CRMP1: variants seen among roughly 807,000 people sequenced by gnomAD.
The protein encoded by CRMP1 is collapsin response mediator protein 1.
CRMP1 carries 19 observed loss-of-function variants against 68.3 expected under a neutral mutation model. The observed-to-expected ratio is 0.28, with a 90% CI of 0.19 to 0.41. The LOEUF is 0.41. Among genes scored for constraint, CRMP1 ranks in the 10% least tolerant of loss-of-function variants. The pLI is 1.00. For missense variants in CRMP1, 791 were observed against 967.4 expected (o/e 0.82, Z 2.42); for synonymous variants, 439 against 399.6 (o/e 1.10, Z -1.18).
intron 6 of CRMP1, among the ~76,000 whole-genome samples, chr4:5,846,857 T>C (rs1041797553): frequency 6.0e-4 from 85 of 141,904 alleles, no homozygotes; most frequent in African/African-American, 2.0e-3. Context: ...TCAGGTGATC[T>C]GCCCGCCTTG....
chr4:5,889,191 A>T lies in CRMP1; in HGVS notation c.381+3398T>A, dbSNP rs1300884303. ...TCTAAGGTGGAGCCCCCTAACTGGCAGAGGGAACAGCAGGGACAGAAGGGT... is the reference window on the plus strand; with the variant it reads ...TCTAAGGTGGAGCCCCCTAACTGGCTGAGGGAACAGCAGGGACAGAAGGGT... On this transcript the variant is annotated intron_variant, in intron 1 of 13. Transcript: ENST00000324989. This position sits in a 1 kb window ranked among gnomAD's most constrained non-coding sequence, Gnocchi z 4.5. 6.6e-6 allele frequency among the ~76,000 whole-genome samples: 1 copy of T among 152,180 alleles called. No homozygotes were observed. Among genetic ancestry groups the T allele is most frequent in the African/African-American group, 2.4e-5 (1 of 41,460 alleles).
At chr4:5,846,492 C>A (rs1322366749) in intron 6 of CRMP1, among the ~76,000 whole-genome samples, 1 of 152,070 alleles carries the variant, frequency 6.6e-6, no homozygotes, top group Non-Finnish European at 1.5e-5. Context: ...CAGCGAGATT[C>A]ACAGGAGGTC....
chr4:5,824,183 G>A (rs1037692887), intron 13 of CRMP1: 1 of 410,792 alleles, frequency 2.4e-6, no homozygotes, highest in African/African-American at 2.2e-5. Flanking sequence ...CTCCAGAACA[G>A]TGGTCCAGTT....
At position 5,877,743 on chromosome 4, in the gene CRMP1, C is replaced by T. The variant is rs568671078; in HGVS notation, c.382-10987G>A. Among the ~76,000 whole-genome samples the T allele has an allele frequency of 7.9e-5, 12 of 152,152 alleles. 1 individual carries two copies. The South Asian group carries it at 2.3e-3, about 29-fold the overall frequency. On this transcript the variant is annotated intron_variant, in intron 1 of 13. Coordinates refer to ENST00000324989, the MANE Select transcript of CRMP1 (RefSeq NM_001014809.3). This position sits in a 1 kb window ranked among gnomAD's most constrained non-coding sequence, Gnocchi z 4.3. The stretch of plus-strand genomic sequence containing the variant: ...TGGACTGCAGGACTTTTTTTCCCCC[C>T]GATATTATGCCTGTTTCCATGACAA...
intron 1 of CRMP1, chr4:5,887,324 G>A (rs1715659072): frequency 3.1e-6 from 3 of 981,226 alleles, no homozygotes; most frequent in African/African-American, 3.5e-5. Context: ...AACCTCTGGA[G>A]TCACCCTGGA....
chr4:5,839,433 C>A, intron 9 of CRMP1, 89 bp downstream of exon 9: 1 of 1,492,756 alleles, frequency 6.7e-7, no homozygotes. Context: ...AATCATGAGT[C>A]CAAACCAGCC....
chr4:5,823,687 G>C (rs1307557238), intron 13 of CRMP1, among the ~76,000 whole-genome samples: 1 of 152,180 alleles, frequency 6.6e-6, no homozygotes, highest in Non-Finnish European at 1.5e-5. Context: ...CTCTGCACAC[G>C]CTAGCTCTCC....
intron 11 of CRMP1, among the ~76,000 whole-genome samples, chr4:5,831,631 G>A (rs1720387991): frequency 6.6e-6 from 1 of 152,174 alleles, no homozygotes; most frequent in South Asian, 2.1e-4. Flanking sequence ...GCCAGCCCTT[G>A]GGGACCTGGG....
intron 4 of CRMP1, among the ~76,000 whole-genome samples, chr4:5,852,423 A>G (rs1482946767): frequency 6.6e-6 from 1 of 152,162 alleles, no homozygotes; most frequent in Non-Finnish European, 1.5e-5. Context: ...TGACTTAGAG[A>G]AGGACGCACT....
chr4:5,851,598 T>C (rs1712623752), intron 4 of CRMP1, 129 bp from the exon 5 acceptor site: 3 of 869,552 alleles, frequency 3.5e-6, no homozygotes, highest in Middle Eastern at 2.2e-4. Context: ...GGATCCCCAG[T>C]GGGGCACCTA....
In CRMP1 at chr4:5,872,030, C is replaced by G. The variant is rs1714490524; in HGVS notation, c.382-5274G>C. 6.6e-6 allele frequency among the ~76,000 whole-genome samples: 1 copy of G among 152,176 alleles called. No individual in the cohort carries two copies. The highest frequency in any genetic ancestry group is 6.5e-5 in the Admixed American group (1 of 15,284). ...GGATGCAGGCTAGAGCCAAGGGTTCCTAATGGCCTGTCCAGCATTCCAGCC... is the reference window on the plus strand; with the variant it reads ...GGATGCAGGCTAGAGCCAAGGGTTCGTAATGGCCTGTCCAGCATTCCAGCC... On this transcript the variant is annotated intron_variant, in intron 1 of 13. Coordinates refer to ENST00000324989, the MANE Select transcript of CRMP1 (RefSeq NM_001014809.3). This position sits in a 1 kb window ranked among gnomAD's most constrained non-coding sequence, Gnocchi z 4.6.
In CRMP1 at chr4:5,825,071, G is replaced by T; in HGVS notation, c.1969+423C>A. On this transcript the variant is annotated intron_variant, in intron 13 of 13. Transcript: ENST00000324989. The surrounding 1 kb of genome is among the most constrained non-coding windows in gnomAD (Gnocchi z 4.4). ...TAAAATAAAATCATGGGTTATGAAA[G>T]TGCTTAGTACACTGCAGTGGGTGAA... 1 of 985,398 alleles carries T rather than the reference G, an allele frequency of 1.0e-6. No individual in the cohort carries two copies. The highest frequency in any genetic ancestry group is 1.1e-4 in the East Asian group (1 of 8,806). 61.0% of individuals were successfully genotyped at this position (985,398 alleles called of 1,614,324 possible).
intron 1 of CRMP1, among the ~76,000 whole-genome samples, chr4:5,875,296 C>T (rs11937144): frequency 0.16 from 24,447 of 151,758 alleles, 3,857 homozygotes; most frequent in African/African-American, 0.42. Context: ...TAAACCTCCC[C>T]GGGTTCTGTT....
chr4:5,821,949 C>T lies in CRMP1; in HGVS notation c.1970-98G>A. 4 of 1,114,558 alleles carry T rather than the reference C, an allele frequency of 3.6e-6. No individual in the cohort carries two copies. Among genetic ancestry groups the T allele is most frequent in the Non-Finnish European group, 5.1e-6 (4 of 782,822 alleles). 69.0% of individuals were successfully genotyped at this position (1,114,558 alleles called of 1,614,324 possible). ...TACTCTGCCATGCACTCCACTGGAC[C>T]CACCTTCATTCAGGGCTCAGTCCAG... On this transcript the variant is annotated intron_variant, in intron 13 of 13. Coordinates refer to ENST00000324989, the MANE Select transcript of CRMP1 (RefSeq NM_001014809.3). The surrounding 1 kb of genome is among the most constrained non-coding windows in gnomAD (Gnocchi z 4.4).
In CRMP1 at chr4:5,849,454, A is replaced by G. The variant is rs142860765; in HGVS notation, c.901T>C (p.Phe301Leu). The change falls in exon 6 of 14, where the codon TTC (phenylalanine) becomes CTC (leucine). Residue 301 changes from phenylalanine (F) to leucine (L), a missense_variant. By Grantham distance (22) the Phe-to-Leu change is conservative (BLOSUM62 0). Around this residue, in one of 3 missense-constraint regions of CRMP1, gnomAD observed 594 missense variants for 763.6 expected, o/e 0.78. Transcript: ENST00000324989. Reference protein sequence around the residue: ...SDSQLYEAFTFLKGLGAVILV... With the variant: ...SDSQLYEAFTLLKGLGAVILV... ...ATCACAGCTCCCAGGCCCTTAAGGA[A>G]GGTAAAGGCTTCATAGAGCTATGGA... 123 of 1,613,558 alleles carry G rather than the reference A, an allele frequency of 7.6e-5. No individual in the cohort carries two copies. The highest frequency in any genetic ancestry group is 9.7e-5 in the Non-Finnish European group (114 of 1,179,720).
At position 5,838,745 on chromosome 4, in the gene CRMP1, G is replaced by A. The variant is rs1159194171; in HGVS notation, c.1310+777C>T. Among the ~76,000 whole-genome samples, 1 of 152,072 alleles carries A rather than the reference G, an allele frequency of 6.6e-6. No homozygotes were observed. Among genetic ancestry groups the A allele is most frequent in the East Asian group, 1.9e-4 (1 of 5,182 alleles). ...TCATCAGGGGGATGGTGATTTCCAC[G>A]TGGGCGCACACCACTGCCCCCTCCT... On this transcript the variant is annotated intron_variant, in intron 9 of 13. Coordinates refer to ENST00000324989, the MANE Select transcript of CRMP1 (RefSeq NM_001014809.3). The surrounding 1 kb of genome is among the most constrained non-coding windows in gnomAD (Gnocchi z 4.9).
rs945107873 is a variant in CRMP1 at position 5,838,110 on chromosome 4, C to G, written c.1311-1204G>C. Reference sequence around the variant, plus strand: ...ATCAGAAAATTACGTCACTGAGGAGCCTTCTAGCAAAGATCTGAAGGAAGT... The same window carrying G: ...ATCAGAAAATTACGTCACTGAGGAGGCTTCTAGCAAAGATCTGAAGGAAGT... On this transcript the variant is annotated intron_variant, in intron 9 of 13. Transcript: ENST00000324989. This position sits in a 1 kb window ranked among gnomAD's most constrained non-coding sequence, Gnocchi z 4.9. 6.6e-6 allele frequency among the ~76,000 whole-genome samples: 1 copy of G among 152,078 alleles called. No individual in the cohort carries two copies. The highest frequency in any genetic ancestry group is 2.4e-5 in the African/African-American group (1 of 41,406).
At position 5,892,745 on chromosome 4, in the gene CRMP1, C is replaced by T; in HGVS notation, c.225G>A (p.Leu75=). The change falls in exon 1 of 14, where the codon CTG becomes CTA. Residue 75 remains leucine, a synonymous_variant. Coordinates refer to ENST00000324989, the MANE Select transcript of CRMP1 (RefSeq NM_001014809.3). This position sits in a 1 kb window ranked among gnomAD's most constrained non-coding sequence, Gnocchi z 8.6. ...TGTCCTCGCTGCCTCCCGGCCCTGG[C>T]AGCCCGACCGCGTCGGGCCGGCCAG... ...RSAGRPDAVG[L]PGPGGSEDTA... 3 of 1,225,896 alleles carry T rather than the reference C, an allele frequency of 2.4e-6. No individual in the cohort carries two copies. The highest frequency in any genetic ancestry group is 3.0e-6 in the Non-Finnish European group (3 of 985,572). The allele number at this position is 1,225,896 out of a possible 1,614,324, so 75.9% of individuals were successfully genotyped here. A position where few individuals can be genotyped will look rare whatever the true frequency, so the allele number is the denominator to read the frequency against.
At position 5,854,845 on chromosome 4, in the gene CRMP1, T is replaced by C. The variant is rs571842885; in HGVS notation, c.820+1298A>G. On this transcript the variant is annotated intron_variant, in intron 4 of 13. Transcript: ENST00000324989. The surrounding 1 kb of genome is among the most constrained non-coding windows in gnomAD (Gnocchi z 4.0). ...GAAACCAATTTGGCAATAAGTGTCA[T>C]AATCTTGAAAAATGTTAAAACCTCT... Among the ~76,000 whole-genome samples, 16 of 152,298 alleles carry C rather than the reference T, an allele frequency of 1.1e-4. No homozygotes were observed. The highest frequency in any genetic ancestry group is 2.9e-4 in the African/African-American group (12 of 41,566).
Sources: allele counts gnomAD v4.1 joint callset (sites outside exome capture counted in the v4.1 genomes callset), GRCh38; gene constraint gnomAD v4.1.1; regional missense constraint gnomAD v4.1.1; non-coding constraint Gnocchi (gnomAD v3.1); transcripts MANE v1.5; gene names NCBI Gene and HGNC (gene_info 2026-07-23, HGNC 2026-07-21).